The following SPMIP2 variants were observed in gnomAD, a reference collection of about 807,000 sequenced individuals.
The protein encoded by SPMIP2 is protein SPMIP2.
the SPMIP2 span, among the ~76,000 whole-genome samples, chr4:159,003,268 C>G: frequency 2.0e-5 from 3 of 152,168 alleles, no homozygotes; most frequent in African/African-American, 7.2e-5. Flanking sequence ...ATGGGCCATA[C>G]TCCAGCTGAA....
chr4:158,965,492 C>T, the SPMIP2 span, among the ~76,000 whole-genome samples: 1 of 152,106 alleles, frequency 6.6e-6, no homozygotes, highest in Non-Finnish European at 1.5e-5. Context: ...TGCAACTGTA[C>T]TCACCCTTGG....
the SPMIP2 span, among the ~76,000 whole-genome samples, chr4:158,936,565 T>C: frequency 2.6e-5 from 4 of 152,246 alleles, no homozygotes; most frequent in East Asian, 7.7e-4. Flanking sequence ...AAGCCATTGA[T>C]GGCACATGGA....
the SPMIP2 span, among the ~76,000 whole-genome samples, chr4:158,948,014 CT>C: frequency 6.6e-6 from 1 of 152,266 alleles, no homozygotes; most frequent in South Asian, 2.1e-4. Context: ...CCAATGTTCT[CT>C]TCCCCCAAAG....
chr4:158,899,852 T>C, the SPMIP2 span, among the ~76,000 whole-genome samples: 1 of 152,240 alleles, frequency 6.6e-6, no homozygotes, highest in African/African-American at 2.4e-5. Flanking sequence ...CTCGTTCAGT[T>C]CTGCTCTGAT....
chr4:159,066,416 C>T, the SPMIP2 span, among the ~76,000 whole-genome samples: 2 of 151,854 alleles, frequency 1.3e-5, no homozygotes, highest in Non-Finnish European at 2.9e-5. Flanking sequence ...GTCCTGGGCT[C>T]ACGCAAGACA....
the SPMIP2 span, among the ~76,000 whole-genome samples, chr4:158,956,331 C>T: frequency 9.2e-5 from 14 of 152,310 alleles, no homozygotes; most frequent in South Asian, 1.0e-3. Context: ...TTTGGGAGGC[C>T]GCGTGGGTGG....
At chr4:158,903,034 G>C in the SPMIP2 span, among the ~76,000 whole-genome samples, 1 of 151,868 alleles carries the variant, frequency 6.6e-6, no homozygotes, top group African/African-American at 2.4e-5. Context: ...CTGAGGTATG[G>C]AAAAAAAACT....
chr4:159,035,182 G>T, the SPMIP2 span: 1 of 1,094,540 alleles, frequency 9.1e-7, no homozygotes, highest in Non-Finnish European at 1.4e-6. Flanking sequence ...GAAAGACTCT[G>T]CAGTCTTTCC....
chr4:158,973,212 T>C, the SPMIP2 span: 62 of 1,613,786 alleles, frequency 3.8e-5, no homozygotes, highest in East Asian at 1.1e-3. Context: ...CCTCCATAAA[T>C]ATCTGAGATC....
chr4:159,038,794 T>G, the SPMIP2 span: 79,580 of 151,686 alleles, frequency 0.52, 21,512 homozygotes, highest in East Asian at 0.76. Flanking sequence ...GGGCATTTTG[T>G]GCAAAGGGCA....
the SPMIP2 span, among the ~76,000 whole-genome samples, chr4:159,066,950 A>G: frequency 6.6e-6 from 1 of 152,212 alleles, no homozygotes; most frequent in Non-Finnish European, 1.5e-5. Context: ...CTTTTATAAA[A>G]GCAGGTGGTG....
the SPMIP2 span, among the ~76,000 whole-genome samples, chr4:159,009,262 C>A: frequency 6.6e-6 from 1 of 152,098 alleles, no homozygotes; most frequent in African/African-American, 2.4e-5. Flanking sequence ...ATCCCCTGAC[C>A]GACAGCATAA....
At chr4:158,984,102 A>T in the SPMIP2 span, among the ~76,000 whole-genome samples, 1 of 130,114 alleles carries the variant, frequency 7.7e-6, no homozygotes, top group East Asian at 2.3e-4. Flanking sequence ...TATCTATCCT[A>T]AATATATATG....
chr4:158,949,816 CAGACCACAAGA>C, the SPMIP2 span, among the ~76,000 whole-genome samples: 5 of 152,180 alleles, frequency 3.3e-5, no homozygotes, highest in African/African-American at 1.2e-4. Context: ...TATGAGCAGA[CAGACCACAAGA>C]AAGCGGATCA....
the SPMIP2 span, among the ~76,000 whole-genome samples, chr4:159,032,836 A>G: frequency 6.6e-6 from 1 of 152,010 alleles, no homozygotes; most frequent in African/African-American, 2.4e-5. Flanking sequence ...AAGGCTGACA[A>G]GGACACAAAG....
At chr4:159,034,538 C>T in the SPMIP2 span, among the ~76,000 whole-genome samples, 2 of 152,268 alleles carry the variant, frequency 1.3e-5, no homozygotes, top group Admixed American at 6.5e-5. Context: ...ATGTTTATGG[C>T]AACAAGATGA....
the SPMIP2 span, among the ~76,000 whole-genome samples, chr4:159,048,731 CT>C: frequency 0.051 from 5,690 of 111,448 alleles, 92 homozygotes; most frequent in African/African-American, 0.1. Context: ...TCCCCTTCCA[CT>C]TTTTTTTTTT....
the SPMIP2 span, among the ~76,000 whole-genome samples, chr4:158,952,345 G>C: frequency 6.6e-6 from 1 of 152,158 alleles, no homozygotes; most frequent in Non-Finnish European, 1.5e-5. Context: ...TTGAATCATG[G>C]GGGTGGTTTT....
the SPMIP2 span, among the ~76,000 whole-genome samples, chr4:158,982,830 A>G: frequency 1.1e-3 from 164 of 152,334 alleles, no homozygotes; most frequent in Non-Finnish European, 1.7e-3. Context: ...TGACAAGTTG[A>G]GAGAAGAAGG....
Sources: gnomAD v4.1 joint callset for allele counts (sites outside exome capture counted in the v4.1 genomes callset) on GRCh38, gnomAD v4.1.1 for gene constraint, MANE v1.5 for transcripts, NCBI Gene and HGNC (gene_info 2026-07-23, HGNC 2026-07-21) for gene names.